PRB3: variants seen among roughly 807,000 people sequenced by gnomAD.
PRB3 encodes the protein proline rich protein BstNI subfamily 3, also known as basic salivary proline-rich protein 3.
In PRB3, 9 loss-of-function variants were observed where a neutral mutation model predicts 10.0. That is an observed-to-expected ratio of 0.90 (90% CI 0.54 to 1.57). The LOEUF (loss-of-function observed/expected upper bound fraction) is 1.57, where lower values mean the gene tolerates loss of function less well. Among genes scored for constraint, PRB3 ranks in the 40% most tolerant of loss-of-function variants. The probability of loss-of-function intolerance (pLI) is 0.00; values close to 1 mark genes in which losing one functional copy is unlikely to be tolerated. For synonymous variants in PRB3, 89 were observed against 138.6 expected (o/e 0.64, Z 2.52); for missense variants, 285 against 385.5 (o/e 0.74, Z 2.18).
At chr12:11,267,145 G>A in intron 3 of PRB3, 31 bp downstream of exon 3, 1 of 1,560,024 alleles carries the variant, frequency 6.4e-7, no homozygotes, top group Non-Finnish European at 8.8e-7. Context: ...AACACTTAGA[G>A]CACTTGGTGA....
chr12:11,266,822 G>C (rs1377429299), intron 3 of PRB3, among the ~76,000 whole-genome samples: 1 of 152,192 alleles, frequency 6.6e-6, no homozygotes, highest in African/African-American at 2.4e-5. Flanking sequence ...TCGAGAGGCT[G>C]GCGTGAGGCA....
chr12:11,266,695 T>C (rs1948590039), intron 3 of PRB3, among the ~76,000 whole-genome samples: 1 of 152,220 alleles, frequency 6.6e-6, no homozygotes, highest in Non-Finnish European at 1.5e-5. Context: ...TATTTTTCCA[T>C]TCCATTAGAT....
chr12:11,268,753 C>T, intron 1 of PRB3, 85 bp from the exon 2 acceptor site: 2 of 1,431,388 alleles, frequency 1.4e-6, no homozygotes, highest in Non-Finnish European at 2.0e-6. Context: ...AAGGGGACTT[C>T]TCACCACACC....
At chr12:11,268,490 G>T in intron 2 of PRB3, 143 bp downstream of exon 2, 1 of 1,187,774 alleles carries the variant, frequency 8.4e-7, no homozygotes, top group Non-Finnish European at 1.2e-6. Flanking sequence ...AATCAAGGTT[G>T]CATGAAGATT....
At position 11,269,623 on chromosome 12, in the gene PRB3, G is replaced by C; in HGVS notation, c.47C>G (p.Ala16Gly). The C allele has an allele frequency of 6.2e-7, 1 of 1,614,100 alleles. No homozygotes were observed. Among genetic ancestry groups the C allele is most frequent in the Non-Finnish European group, 8.5e-7 (1 of 1,179,978 alleles). The change falls in exon 1 of 4, where the codon GCT (alanine) becomes GGT (glycine). Residue 16 changes from alanine to glycine, a missense_variant. Ala to Gly is a moderately conservative substitution (Grantham distance 60). This residue lies in a region of PRB3 where 147 missense variants were observed against 129.4 expected (regional missense o/e 1.14). Transcript: ENST00000538488. The part of the protein sequence containing the change: ...LSVALLALSS[A>G]QSLNEDVSQE... ...TGTCTTACCTTCATTTAAGCTCTGA[G>C]CTGAGCTCAGGGCCAGCAGGGCCAC...
rs527623413 is a variant in PRB3, at chr12:11,268,005, G to T, written c.244C>A (p.Pro82Thr). The change falls in exon 3 of 4, where the codon CCC (proline) becomes ACC (threonine). Residue 82 changes from proline to threonine, a missense_variant. This residue lies in a region of PRB3 where 147 missense variants were observed against 129.4 expected (regional missense o/e 1.14). Coordinates refer to ENST00000538488, the MANE Select transcript of PRB3 (RefSeq NM_001394862.1). Reference sequence around the variant, plus strand: ...TGGGACTGGTTTCCTCCTTGTGGGGGTGGTCCTTCTGGCTTTCCTGGACGA... The same window carrying T: ...TGGGACTGGTTTCCTCCTTGTGGGGTTGGTCCTTCTGGCTTTCCTGGACGA... ...PPRPGKPEGP[P>T]PQGGNQSQGP... The T allele has an allele frequency of 1.3e-6, 2 of 1,594,886 alleles. No individual in the cohort carries two copies. The highest frequency in any genetic ancestry group is 1.7e-5 in the Admixed American group (1 of 59,176).
At chr12:11,266,765 C>T (rs1471674526) in intron 3 of PRB3, among the ~76,000 whole-genome samples, 1 of 152,058 alleles carries the variant, frequency 6.6e-6, no homozygotes, top group African/African-American at 2.4e-5. Context: ...AATGAGACAC[C>T]ATTTAGCTGC....
At chr12:11,269,120 A>G (rs769127325) in intron 1 of PRB3, among the ~76,000 whole-genome samples, 2 of 152,192 alleles carry the variant, frequency 1.3e-5, no homozygotes, top group Non-Finnish European at 2.9e-5. Flanking sequence ...AAGAAAAATC[A>G]CAATGATTGA....
chr12:11,269,143 T>C (rs1319942670), intron 1 of PRB3, among the ~76,000 whole-genome samples: 1 of 152,204 alleles, frequency 6.6e-6, no homozygotes, highest in East Asian at 1.9e-4. Context: ...CTGATATTTC[T>C]ATATCTGTAG....
chr12:11,267,369 G>A lies in PRB3; in HGVS notation c.880C>T (p.Gln294Ter). 6.2e-7 allele frequency: 1 copy of A among 1,610,976 alleles called. No homozygotes were observed. The highest frequency in any genetic ancestry group is 8.5e-7 in the Non-Finnish European group (1 of 1,179,242). ...HPGKPQGPPP[Q>*]EGNKPQRPPP... Reference sequence around the variant, plus strand: ...GGACGTTGAGGTTTGTTACCTTCTTGTGGGGGTGGTCCTTGTGGCTTTCCT... The same window carrying A: ...GGACGTTGAGGTTTGTTACCTTCTTATGGGGGTGGTCCTTGTGGCTTTCCT... The change falls in exon 3 of 4, where the codon CAA (glutamine) becomes TAA (stop). Residue 294 changes from glutamine to a stop codon, truncating the protein, a stop_gained. Transcript: ENST00000538488. LOFTEE classifies it low-confidence loss of function (END_TRUNC).
rs1415999096 is a variant in PRB3, at chr12:11,267,282, G to T, written c.967C>A (p.Pro323Thr). ...PPGGNPQQPL[P>T]PPAGKPQGPP... ...CCCTGGGGCTTTCCAGCGGGAGGTG[G>T]CAGAGGCTGCTGGGGATTGCCTCCT... Residue 323 changes from proline to threonine, a missense_variant, in exon 3 of 4, where the codon CCA becomes ACA. This residue lies in a region of PRB3 where 108 missense variants were observed against 106.9 expected (regional missense o/e 1.01). Transcript: ENST00000538488. The T allele has an allele frequency of 1.2e-6, 2 of 1,613,098 alleles. No homozygotes were observed. Among genetic ancestry groups the T allele is most frequent in the South Asian group, 2.2e-5 (2 of 90,968 alleles).
intron 3 of PRB3, 136 bp from the exon 4 acceptor site, chr12:11,266,165 C>CT: frequency 2.8e-6 from 1 of 355,448 alleles, no homozygotes; most frequent in South Asian, 2.2e-5. Context: ...TCCTGTGATT[C>CT]TTTCCTGATT....
intron 1 of PRB3, among the ~76,000 whole-genome samples, chr12:11,268,987 C>T (rs1447878617): frequency 6.6e-6 from 1 of 152,200 alleles, no homozygotes; most frequent in Non-Finnish European, 1.5e-5. Context: ...TTATGCCCTC[C>T]ATCTCCTATA....
chr12:11,269,358 A>G (rs138123796), intron 1 of PRB3, among the ~76,000 whole-genome samples: 1 of 152,118 alleles, frequency 6.6e-6, no homozygotes, highest in South Asian at 2.1e-4. Flanking sequence ...GCACAGTTCT[A>G]TCTCTCTATA....
intron 1 of PRB3, 29 bp from the exon 2 acceptor site, chr12:11,268,697 AG>A: frequency 6.2e-7 from 1 of 1,610,534 alleles, no homozygotes; most frequent in Non-Finnish European, 8.5e-7. Context: ...ATGATGGGAA[AG>A]GTTACATCTC....
chr12:11,266,073 G>A (rs754375770), intron 3 of PRB3, 44 bp from the exon 4 acceptor site: 2 of 453,966 alleles, frequency 4.4e-6, no homozygotes, highest in South Asian at 3.1e-5. Context: ...GACTTGACAT[G>A]GCAGGAAATG....
chr12:11,267,333 C>A lies in PRB3; in HGVS notation c.916G>T (p.Gly306Ter). 6.2e-7 allele frequency: 1 copy of A among 1,609,196 alleles called. No homozygotes were observed. The highest frequency in any genetic ancestry group is 8.5e-7 in the Non-Finnish European group (1 of 1,178,508). Residue 306 changes from glycine to a stop codon, truncating the protein, a stop_gained, in exon 3 of 4, where the codon GGA (glycine) becomes TGA (stop). Transcript: ENST00000538488. LOFTEE classifies it low-confidence loss of function (END_TRUNC). ...GGTGGGGGTGGTCCTTGTGGCCTTC[C>A]TGGAGGAGGGGGACGTTGAGGTTTG... ...GNKPQRPPPPGRPQGPPPPGG... is the reference protein window; with the variant it reads ...GNKPQRPPPP
chr12:11,267,336 GA>G lies in PRB3; in HGVS notation c.912del (p.Pro305GlnfsTer86), dbSNP rs1351726388. The G allele has an allele frequency of 6.2e-7, 1 of 1,611,768 alleles. No homozygotes were observed. Among genetic ancestry groups the G allele is most frequent in the Non-Finnish European group, 8.5e-7 (1 of 1,178,774 alleles). ...QEGNKPQRPP[P>X]PGRPQGPPPP... is the part of the protein sequence containing the mutation. The stretch of plus-strand genomic sequence containing the variant: ...GGGGGTGGTCCTTGTGGCCTTCCTG[GA>G]GGAGGGGGACGTTGAGGTTTGTTAC... On this transcript the variant is annotated frameshift_variant, in exon 3 of 4. Transcript: ENST00000538488. LOFTEE classifies it low-confidence loss of function (END_TRUNC).
chr12:11,267,956 T>G lies in PRB3; in HGVS notation c.293A>C (p.Lys98Thr). ...QSQGPPPRPGKPEGQPPQGGN... is the reference protein window; with the variant it reads ...QSQGPPPRPGTPEGQPPQGGN... ...TCCTTGTGGGGGTTGTCCTTCTGGC[T>G]TTCCCGGACGAGGTGGGGGACCTTG... The change falls in exon 3 of 4, where the codon AAG becomes ACG. Residue 98 changes from lysine (K) to threonine (T), a missense_variant. Lys to Thr is a moderately conservative substitution (Grantham distance 78, BLOSUM62 -1). Around this residue, in one of 3 missense-constraint regions of PRB3, gnomAD observed 147 missense variants for 129.4 expected, o/e 1.14. Transcript: ENST00000538488. The G allele has an allele frequency of 1.3e-6, 2 of 1,564,100 alleles. No homozygotes were observed. The highest frequency in any genetic ancestry group is 1.7e-6 in the Non-Finnish European group (2 of 1,156,750).
Sources: allele counts gnomAD v4.1 joint callset (sites outside exome capture counted in the v4.1 genomes callset), GRCh38; gene constraint gnomAD v4.1.1; regional missense constraint gnomAD v4.1.1; transcripts MANE v1.5; gene names NCBI Gene and HGNC (gene_info 2026-07-23, HGNC 2026-07-21).